CSMD1: variants seen among roughly 807,000 people sequenced by gnomAD.
The protein encoded by CSMD1 is CUB and Sushi multiple domains 1.
Under a neutral mutation model 417.5 loss-of-function variants are expected in CSMD1, and 213 were observed. That is an observed-to-expected ratio of 0.51 (90% CI 0.46 to 0.57). The LOEUF (loss-of-function observed/expected upper bound fraction) is 0.57, where lower values mean the gene tolerates loss of function less well. Ranked by LOEUF, CSMD1 falls within the 20% of genes least tolerant of loss-of-function variation. The probability of loss-of-function intolerance (pLI) is 0.00; values close to 1 mark genes in which losing one functional copy is unlikely to be tolerated. For missense variants in CSMD1, 6,923 were observed against 4,529.7 expected, an observed-to-expected ratio of 1.53 and a Z score of -15.17; for synonymous variants, 2,862 against 1,736.8, an observed-to-expected ratio of 1.65 and a Z score of -16.11.
intron 1 of CSMD1, among the ~76,000 whole-genome samples, chr8:4,672,647 G>T (rs192017760): frequency 6.6e-6 from 1 of 151,870 alleles, no homozygotes; most frequent in East Asian, 1.9e-4. Context: ...AACAAATAAT[G>T]CCAGGTGCTT....
At chr8:4,686,226 C>T (rs1806379769) in intron 1 of CSMD1, among the ~76,000 whole-genome samples, 1 of 152,210 alleles carries the variant, frequency 6.6e-6, no homozygotes, top group African/African-American at 2.4e-5. Context: ...TCTTTCGGAG[C>T]TGTCTTGGAT....
intron 7 of CSMD1, among the ~76,000 whole-genome samples, chr8:3,626,308 T>C (rs1022312464): frequency 6.6e-6 from 1 of 152,172 alleles, no homozygotes; most frequent in African/African-American, 2.4e-5. Flanking sequence ...GACTCAGAAA[T>C]AGTTTTGGGG....
In CSMD1 at chr8:4,944,185, A is replaced by G. The variant is rs947109704; in HGVS notation, c.85+50147T>C. The stretch of plus-strand genomic sequence containing the variant: ...TGAAAGAGAAAAAATCCACGAACTT[A>G]GATTTGGAAATTCCTAGTGTATGTA... On this transcript the variant is annotated intron_variant, in intron 1 of 69. Transcript: ENST00000635120. Among the ~76,000 whole-genome samples the G allele has an allele frequency of 2.0e-5, 3 of 152,184 alleles. No homozygotes were observed. In the East Asian group the frequency reaches 5.8e-4, roughly 29 times the overall value.
At chr8:4,888,307 C>T (rs566869900) in intron 1 of CSMD1, among the ~76,000 whole-genome samples, 16 of 152,078 alleles carry the variant, frequency 1.1e-4, no homozygotes, top group African/African-American at 3.9e-4. Flanking sequence ...TCACATCAAG[C>T]CCCTGGAGGT....
At chr8:4,454,289 G>C (rs537236325) in intron 2 of CSMD1, among the ~76,000 whole-genome samples, 9 of 152,220 alleles carry the variant, frequency 5.9e-5, no homozygotes, top group African/African-American at 9.6e-5. Flanking sequence ...TGACTTCGGT[G>C]GACACCAGAC....
chr8:3,448,331 GGGAGGGAGGGAGGGA>G, intron 12 of CSMD1, among the ~76,000 whole-genome samples: 1 of 57,582 alleles, frequency 1.7e-5, no homozygotes, highest in Non-Finnish European at 3.5e-5. Flanking sequence ...AAGGGAGCAA[GGGAGGGAGGGAGGGA>G]GGAAGGAAGA....
intron 51 of CSMD1, among the ~76,000 whole-genome samples, chr8:3,027,672 A>C (rs1810037848): frequency 6.6e-6 from 1 of 152,188 alleles, no homozygotes; most frequent in South Asian, 2.1e-4. Context: ...TTGTGGCCCG[A>C]GACACCTAGA....
At chr8:3,753,127 T>C (rs1486672086) in intron 6 of CSMD1, among the ~76,000 whole-genome samples, 10 of 152,160 alleles carry the variant, frequency 6.6e-5, no homozygotes, top group Non-Finnish European at 1.5e-5. Context: ...TGGCAGGTGT[T>C]CAGCGAATGC....
intron 5 of CSMD1, among the ~76,000 whole-genome samples, chr8:3,812,299 A>G (rs1055943554): frequency 3.3e-5 from 5 of 152,218 alleles, no homozygotes; most frequent in Non-Finnish European, 7.3e-5. Context: ...CTAATCTCAC[A>G]GGGTCCTTTT....
intron 61 of CSMD1, 89 bp downstream of exon 61, chr8:2,962,377 A>G: frequency 8.5e-7 from 1 of 1,175,510 alleles, no homozygotes; most frequent in Non-Finnish European, 1.2e-6. Flanking sequence ...AACACTTTCT[A>G]TGTAATCACA....
chr8:4,881,478 G>T (rs1803396402), intron 1 of CSMD1, among the ~76,000 whole-genome samples: 2 of 146,692 alleles, frequency 1.4e-5, no homozygotes, highest in African/African-American at 2.5e-5. Flanking sequence ...CTCCCTACAT[G>T]CAATAAACCC....
chr8:3,712,997 T>A (rs778028623), intron 6 of CSMD1, among the ~76,000 whole-genome samples: 1 of 152,112 alleles, frequency 6.6e-6, no homozygotes, highest in Non-Finnish European at 1.5e-5. Flanking sequence ...GACTTTAGGT[T>A]TTCTCATCGC....
chr8:3,489,269 T>A (rs895672229), intron 11 of CSMD1, among the ~76,000 whole-genome samples: 1 of 152,212 alleles, frequency 6.6e-6, no homozygotes, highest in Non-Finnish European at 1.5e-5. Flanking sequence ...ACCAGTATCC[T>A]GATTTGTTAA....
chr8:4,141,635 T>G (rs1213574214), intron 3 of CSMD1, among the ~76,000 whole-genome samples: 1 of 139,992 alleles, frequency 7.1e-6, no homozygotes, highest in Non-Finnish European at 1.6e-5. Context: ...TTCACCCTAA[T>G]TCACAAGTTT....
intron 3 of CSMD1, among the ~76,000 whole-genome samples, chr8:4,371,453 G>A (rs1802391299): frequency 6.6e-6 from 1 of 152,070 alleles, no homozygotes; most frequent in Non-Finnish European, 1.5e-5. Flanking sequence ...TGGAGCAGAG[G>A]GCATGTCTGG....
At chr8:4,946,433 G>A (rs200937924) in intron 1 of CSMD1, among the ~76,000 whole-genome samples, 11 of 152,092 alleles carry the variant, frequency 7.2e-5, no homozygotes, top group African/African-American at 2.7e-4. Context: ...GCTTTGGACC[G>A]TGTGTTGAGT....
intron 1 of CSMD1, among the ~76,000 whole-genome samples, chr8:4,932,287 T>A (rs1240729015): frequency 6.6e-6 from 1 of 151,868 alleles, no homozygotes; most frequent in Non-Finnish European, 1.5e-5. Context: ...CATAAAATTG[T>A]CTTAAAAAGT....
chr8:3,551,432 C>T (rs530854778), intron 10 of CSMD1, among the ~76,000 whole-genome samples: 1 of 152,012 alleles, frequency 6.6e-6, no homozygotes. Context: ...ATTAACTAAT[C>T]TGCACACTGA....
intron 3 of CSMD1, among the ~76,000 whole-genome samples, chr8:4,085,125 G>C (rs914021998): frequency 6.6e-6 from 1 of 152,158 alleles, no homozygotes; most frequent in Non-Finnish European, 1.5e-5. Context: ...ACAACCCTGA[G>C]GCTGAGATGT....
Sources: allele counts gnomAD v4.1 joint callset (sites outside exome capture counted in the v4.1 genomes callset), GRCh38; gene constraint gnomAD v4.1.1; transcripts MANE v1.5; gene names NCBI Gene and HGNC (gene_info 2026-07-23, HGNC 2026-07-21).